GUCY1A2: variants seen among roughly 807,000 people sequenced by gnomAD.
The protein encoded by GUCY1A2 is guanylate cyclase 1 soluble subunit alpha 2.
In GUCY1A2, 27 loss-of-function variants were observed where a neutral mutation model predicts 63.5. The ratio of observed to expected loss-of-function variants is 0.43; its 90% confidence interval spans 0.31 to 0.59. GUCY1A2 has a LOEUF of 0.59. Among genes scored for constraint, GUCY1A2 ranks in the 20% least tolerant of loss-of-function variants. The pLI, the probability that GUCY1A2 is intolerant of heterozygous loss-of-function variation, is 0.11. For synonymous variants in GUCY1A2, 364 were observed against 343.5 expected (o/e 1.06, Z -0.66); for missense variants, 768 against 913.3 (o/e 0.84, Z 2.05).
At position 106,676,364 on chromosome 11, in the gene GUCY1A2, C is replaced by A. The variant is rs1254395316; in HGVS notation, c.*11185G>T. 1 of 180,548 alleles carries A rather than the reference C, an allele frequency of 5.5e-6. No homozygotes were observed. Among genetic ancestry groups the A allele is most frequent in the African/African-American group, 2.5e-5 (1 of 40,380 alleles). 11.2% of individuals were successfully genotyped at this position (180,548 alleles called of 1,614,324 possible). On this transcript the variant is annotated 3_prime_UTR_variant, in exon 8 of 8. Coordinates refer to ENST00000526355, the MANE Select transcript of GUCY1A2 (RefSeq NM_000855.3). ...ATTGAGATTTGTAAATGTTTGATCT[C>A]TTGATCCAAGCTGTACTTTTTTTTT...
At chr11:106,706,031 T>TATC (rs1862904073) in intron 7 of GUCY1A2, among the ~76,000 whole-genome samples, 1 of 152,210 alleles carries the variant, frequency 6.6e-6, no homozygotes, top group Non-Finnish European at 1.5e-5. Context: ...GATATTTTAT[T>TATC]ATCTTTTCAG....
intron 1 of GUCY1A2, among the ~76,000 whole-genome samples, chr11:106,995,727 G>C (rs2120166620): frequency 6.6e-6 from 1 of 152,250 alleles, no homozygotes; most frequent in East Asian, 1.9e-4. Flanking sequence ...TTGCTAAATT[G>C]AACTAAACTG....
intron 2 of GUCY1A2, among the ~76,000 whole-genome samples, chr11:106,979,901 C>T (rs1216558370): frequency 1.4e-5 from 2 of 147,436 alleles, no homozygotes; most frequent in Admixed American, 6.7e-5. Context: ...GAGGAGTTGG[C>T]CTAGGAAGAG....
intron 4 of GUCY1A2, among the ~76,000 whole-genome samples, chr11:106,853,379 G>T (rs762021793): frequency 9.9e-5 from 15 of 151,516 alleles, no homozygotes; most frequent in Non-Finnish European, 2.1e-4. Context: ...ATTGGGGCTG[G>T]GTTATTTTGG....
intron 6 of GUCY1A2, among the ~76,000 whole-genome samples, chr11:106,714,098 T>A (rs971398765): frequency 1.4e-4 from 21 of 152,030 alleles, no homozygotes; most frequent in Non-Finnish European, 1.5e-5. Flanking sequence ...CTGCCTCCTT[T>A]CAAAAGACCT....
intron 7 of GUCY1A2, among the ~76,000 whole-genome samples, chr11:106,704,938 A>G (rs1313163915): frequency 6.6e-6 from 1 of 151,280 alleles, no homozygotes. Flanking sequence ...TGGTGCATAT[A>G]TTATGTGCAC....
At chr11:106,760,989 G>C (rs1864056805) in intron 6 of GUCY1A2, among the ~76,000 whole-genome samples, 1 of 152,116 alleles carries the variant, frequency 6.6e-6, no homozygotes, top group African/African-American at 2.4e-5. Context: ...TGGACCTTCT[G>C]CCACAGATTT....
chr11:106,951,420 T>C (rs1429460044), intron 3 of GUCY1A2, among the ~76,000 whole-genome samples: 6 of 152,234 alleles, frequency 3.9e-5, no homozygotes, highest in Admixed American at 6.5e-5. Context: ...CCTGACTTTT[T>C]AATAATCACC....
intron 4 of GUCY1A2, among the ~76,000 whole-genome samples, chr11:106,909,101 C>G (rs557657583): frequency 6.6e-6 from 1 of 151,914 alleles, no homozygotes; most frequent in Non-Finnish European, 1.5e-5. Context: ...TTTACATCAT[C>G]AAACAACAGA....
chr11:106,675,625 T>C lies in GUCY1A2; in HGVS notation c.*11924A>G, dbSNP rs947239600. The C allele has an allele frequency of 2.7e-5, 5 of 187,498 alleles. No individual in the cohort carries two copies. Among genetic ancestry groups the C allele is most frequent in the African/African-American group, 1.2e-4 (5 of 42,778 alleles). 11.6% of individuals were successfully genotyped at this position (187,498 alleles called of 1,614,324 possible). A position where few individuals can be genotyped will look rare whatever the true frequency, so the allele number is the denominator to read the frequency against. On this transcript the variant is annotated 3_prime_UTR_variant, in exon 8 of 8. Transcript: ENST00000526355. ...CATATTTCTTCTATTTTTACAATCA[T>C]TATTAAAATATTTCCCTAAAGAAAT... is the stretch of plus-strand genomic sequence containing the variant.
intron 1 of GUCY1A2, among the ~76,000 whole-genome samples, chr11:106,988,607 T>C (rs1861432562): frequency 6.6e-6 from 1 of 152,214 alleles, no homozygotes; most frequent in Non-Finnish European, 1.5e-5. Flanking sequence ...AATTTATAGT[T>C]TCCACATACA....
At chr11:106,988,453 C>G (rs1420640809) in intron 1 of GUCY1A2, among the ~76,000 whole-genome samples, 1 of 152,178 alleles carries the variant, frequency 6.6e-6, no homozygotes, top group Non-Finnish European at 1.5e-5. Context: ...AGAATGACCT[C>G]ATTTGTACAA....
Position 106,972,859 on chromosome 11 carries a change from A to G in GUCY1A2, c.487+5760T>C, listed in dbSNP as rs75585938. 6.6e-3 allele frequency among the ~76,000 whole-genome samples: 1,010 copies of G among 152,238 alleles called. 7 individuals carry two copies. Among genetic ancestry groups the G allele is most frequent in the Middle Eastern group, 0.017 (5 of 294 alleles). On this transcript the variant is annotated intron_variant, in intron 3 of 7. Transcript: ENST00000526355. The stretch of plus-strand genomic sequence containing the variant: ...AAGGAATGAGCTCTCTGTGAAAGAC[A>G]TGGATTAGTCTTAAATTCACACTTC...
chr11:107,011,122 C>T (rs1184464623), intron 1 of GUCY1A2, among the ~76,000 whole-genome samples: 1 of 152,120 alleles, frequency 6.6e-6, no homozygotes, highest in South Asian at 2.1e-4. Context: ...TAAATTAACC[C>T]ACTGCCTCAT....
At chr11:106,812,927 T>A (rs1389804421) in intron 4 of GUCY1A2, among the ~76,000 whole-genome samples, 1 of 152,034 alleles carries the variant, frequency 6.6e-6, no homozygotes, top group Non-Finnish European at 1.5e-5. Flanking sequence ...AATGGGCAGA[T>A]TCAATGGCAC....
intron 4 of GUCY1A2, among the ~76,000 whole-genome samples, chr11:106,920,645 T>G (rs980159880): frequency 6.6e-6 from 1 of 152,134 alleles, no homozygotes; most frequent in African/African-American, 2.4e-5. Flanking sequence ...ATCATTCAGA[T>G]CTTATAATTA....
At chr11:106,795,011 T>C (rs538171728) in intron 5 of GUCY1A2, among the ~76,000 whole-genome samples, 64 of 152,310 alleles carry the variant, frequency 4.2e-4, no homozygotes, top group Non-Finnish European at 7.8e-4. Context: ...TATATATCGT[T>C]ATTTTGAATT....
At chr11:106,848,278 C>G (rs187295737) in intron 4 of GUCY1A2, among the ~76,000 whole-genome samples, 150 of 151,714 alleles carry the variant, frequency 9.9e-4, no homozygotes, top group Non-Finnish European at 1.2e-3. Context: ...AGAGTTCAAA[C>G]AGCAAGCATA....
chr11:106,876,939 C>A (rs577807463), intron 4 of GUCY1A2, among the ~76,000 whole-genome samples: 4 of 152,074 alleles, frequency 2.6e-5, no homozygotes, highest in African/African-American at 9.6e-5. Flanking sequence ...GTAATTAAGT[C>A]AAAGATCTTG....
Sources: allele counts gnomAD v4.1 joint callset (sites outside exome capture counted in the v4.1 genomes callset), GRCh38; gene constraint gnomAD v4.1.1; transcripts MANE v1.5; gene names NCBI Gene and HGNC (gene_info 2026-07-23, HGNC 2026-07-21).